NDRG3: variants seen among roughly 807,000 people sequenced by gnomAD.
The protein encoded by NDRG3 is NDRG family member 3, also known as protein NDRG3.
Under a neutral mutation model 57.2 loss-of-function variants are expected in NDRG3, and 23 were observed. The observed-to-expected ratio is 0.40, with a 90% CI of 0.29 to 0.57. NDRG3 has a LOEUF of 0.57. NDRG3 is among the 20% of genes least tolerant of loss of function. The probability of loss-of-function intolerance (pLI) is 0.42; values close to 1 mark genes in which losing one functional copy is unlikely to be tolerated. For missense variants in NDRG3, 384 were observed against 457.3 expected, an observed-to-expected ratio of 0.84 and a Z score of 1.46; for synonymous variants, 132 against 162.6, an observed-to-expected ratio of 0.81 and a Z score of 1.43.
intron 3 of NDRG3, chr20:36,700,733 T>A (rs1255594352): frequency 5.2e-6 from 1 of 191,360 alleles, no homozygotes; most frequent in African/African-American, 2.4e-5. Flanking sequence ...TGGTCATAGA[T>A]CTCTCCCATC....
intron 5 of NDRG3, among the ~76,000 whole-genome samples, chr20:36,685,276 T>C (rs556822207): frequency 1.5e-4 from 23 of 151,704 alleles, no homozygotes; most frequent in East Asian, 1.9e-4. Context: ...TAGAATAACA[T>C]AGTTATTTTT....
In NDRG3 at chr20:36,700,254, C is replaced by T. The variant is rs536125829; in HGVS notation, c.93+6718G>A. 9.2e-5 allele frequency among the ~76,000 whole-genome samples: 14 copies of T among 152,170 alleles called. No individual in the cohort carries two copies. The East Asian group carries it at 1.7e-3, about 19-fold the overall frequency. Reference sequence around the variant, plus strand: ...CTTTTTAGGGATATCTCAGCCCCTACCATGCCATAATATGCCCTCAAGTCA... The same window carrying T: ...CTTTTTAGGGATATCTCAGCCCCTATCATGCCATAATATGCCCTCAAGTCA... On this transcript the variant is annotated intron_variant, in intron 3 of 15. Coordinates refer to ENST00000349004, the MANE Select transcript of NDRG3 (RefSeq NM_032013.4).
intron 3 of NDRG3, among the ~76,000 whole-genome samples, chr20:36,702,327 G>A (rs1462999744): frequency 6.6e-6 from 1 of 151,924 alleles, no homozygotes; most frequent in Non-Finnish European, 1.5e-5. Context: ...TAGTAGAGAT[G>A]GGGTTTCACC....
intron 1 of NDRG3, among the ~76,000 whole-genome samples, chr20:36,743,968 T>G (rs1555809519): frequency 7.8e-6 from 1 of 128,514 alleles, no homozygotes. Context: ...TGGCGCGATC[T>G]CGGCTCACTG....
intron 7 of NDRG3, 72 bp from the exon 8 acceptor site, chr20:36,680,974 T>C (rs927479484): frequency 3.9e-6 from 5 of 1,277,682 alleles, no homozygotes; most frequent in South Asian, 1.2e-5. Context: ...TGGAACATGG[T>C]TGATCAATTC....
At chr20:36,697,066 T>C (rs749955170) in intron 3 of NDRG3, among the ~76,000 whole-genome samples, 33 of 152,146 alleles carry the variant, frequency 2.2e-4, no homozygotes, top group Non-Finnish European at 4.6e-4. Flanking sequence ...GCATTGTCCA[T>C]ATCAAAAGAA....
intron 8 of NDRG3, among the ~76,000 whole-genome samples, chr20:36,675,055 T>A (rs1388474015): frequency 7.0e-6 from 1 of 142,642 alleles, no homozygotes; most frequent in African/African-American, 2.6e-5. Context: ...CCACCACAAC[T>A]GGCATTTTTT....
rs140436235 is a variant in NDRG3 at position 36,742,843 on chromosome 20, A to G, written c.-49+3202T>C. On this transcript the variant is annotated intron_variant, in intron 1 of 15. Coordinates refer to ENST00000349004, the MANE Select transcript of NDRG3 (RefSeq NM_032013.4). ...CATCCATGCCTTACCCATAGTCAAT[A>G]TATTTACAGAAAATTATTTGGAAAA... Among the ~76,000 whole-genome samples the G allele has an allele frequency of 2.2e-3, 332 of 152,326 alleles. 1 individual carries two copies. The highest frequency in any genetic ancestry group is 7.7e-3 in the African/African-American group (320 of 41,578).
At chr20:36,690,356 C>G (rs1982164434) in intron 3 of NDRG3, among the ~76,000 whole-genome samples, 1 of 151,122 alleles carries the variant, frequency 6.6e-6, no homozygotes, top group African/African-American at 2.4e-5. Flanking sequence ...GCTCAGGAAC[C>G]CAATAGAGCA....
At chr20:36,666,486 G>A (rs564195507) in intron 9 of NDRG3, 94 bp from the exon 10 acceptor site, 11 of 880,978 alleles carry the variant, frequency 1.2e-5, no homozygotes, top group South Asian at 5.6e-5. Context: ...AAGCCAAATC[G>A]TGCGGCTCAT....
intron 1 of NDRG3, among the ~76,000 whole-genome samples, chr20:36,742,803 A>G (rs1327715382): frequency 1.3e-5 from 2 of 152,206 alleles, no homozygotes; most frequent in Admixed American, 6.6e-5. Flanking sequence ...ATCTTCCACC[A>G]TATCAGGCGC....
In NDRG3 at chr20:36,733,581, G is replaced by A. The variant is rs927424232; in HGVS notation, c.-48-11798C>T. ...CTACTAAATATACAAAAAATTAGCCGGGAGAGGTTGCAGGTGCCTGTAGTC... is the reference window on the plus strand; with the variant it reads ...CTACTAAATATACAAAAAATTAGCCAGGAGAGGTTGCAGGTGCCTGTAGTC... On this transcript the variant is annotated intron_variant, in intron 1 of 15. Coordinates refer to ENST00000349004, the MANE Select transcript of NDRG3 (RefSeq NM_032013.4). Among the ~76,000 whole-genome samples the A allele has an allele frequency of 2.6e-4, 39 of 152,100 alleles. 1 individual carries two copies. The highest frequency in any genetic ancestry group is 9.4e-4 in the African/African-American group (39 of 41,504).
At chr20:36,675,781 C>T (rs540505782) in intron 8 of NDRG3, among the ~76,000 whole-genome samples, 5 of 152,236 alleles carry the variant, frequency 3.3e-5, no homozygotes, top group Non-Finnish European at 7.4e-5. Context: ...CTCAGCCTCT[C>T]AAAGTGCTGA....
intron 1 of NDRG3, among the ~76,000 whole-genome samples, chr20:36,739,539 G>A (rs1265178901): frequency 1.3e-5 from 2 of 151,706 alleles, no homozygotes; most frequent in Non-Finnish European, 2.9e-5. Context: ...CAGGCACAGT[G>A]GCTCACACCT....
chr20:36,730,265 G>GT (rs1406767294), intron 1 of NDRG3, among the ~76,000 whole-genome samples: 2 of 149,372 alleles, frequency 1.3e-5, no homozygotes, highest in East Asian at 2.1e-4. Context: ...AAAAAAAATT[G>GT]TTTTTTTGGA....
chr20:36,657,389 G>A (rs1978772010), intron 13 of NDRG3, among the ~76,000 whole-genome samples: 1 of 151,622 alleles, frequency 6.6e-6, no homozygotes, highest in African/African-American at 2.4e-5. Flanking sequence ...TCTGGAGGCT[G>A]ACACAGAAGA....
chr20:36,707,799 AGG>A (rs893091563), intron 2 of NDRG3, among the ~76,000 whole-genome samples: 1 of 152,096 alleles, frequency 6.6e-6, no homozygotes, highest in Non-Finnish European at 1.5e-5. Context: ...AGTATAAAAA[AGG>A]GGCCGAGTGT....
rs764407582 is a variant in NDRG3, at chr20:36,721,749, G to C, written c.-14C>G. 6.3e-7 allele frequency: 1 copy of C among 1,582,308 alleles called. No individual in the cohort carries two copies. The highest frequency in any genetic ancestry group is 2.2e-5 in the East Asian group (1 of 44,712). ...AAGTTCATCCATGAGGTCAGATAAC[G>C]AGAGTAGAGGAATCTCAAGAATAAA... On this transcript the variant is annotated 5_prime_UTR_variant, in exon 2 of 16. Transcript: ENST00000349004.
rs1182546913 is a variant in NDRG3, at chr20:36,651,877, G to A, written c.*1643C>T. 1 of 152,164 alleles carries A rather than the reference G, an allele frequency of 6.6e-6. No homozygotes were observed. The highest frequency in any genetic ancestry group is 1.9e-4 in the East Asian group (1 of 5,198). The allele number at this position is 152,164 out of a possible 1,614,324, so 9.4% of individuals were successfully genotyped here. A position where few individuals can be genotyped will look rare whatever the true frequency, so the allele number is the denominator to read the frequency against. On this transcript the variant is annotated 3_prime_UTR_variant, in exon 16 of 16. Transcript: ENST00000349004. ...AGAAAGCAAACAGTCTGTCTGAAAA[G>A]CCCCTTCCCAAGATTTGGAACTGTG...
Sources: allele counts gnomAD v4.1 joint callset (sites outside exome capture counted in the v4.1 genomes callset), GRCh38; gene constraint gnomAD v4.1.1; transcripts MANE v1.5; gene names NCBI Gene and HGNC (gene_info 2026-07-23, HGNC 2026-07-21).